Variants in RIMBP2 observed in about 807,000 individuals in gnomAD.
RIMBP2 encodes RIMS-binding protein 2.
Under a neutral mutation model 118.6 loss-of-function variants are expected in RIMBP2, and 48 were observed. The ratio of observed to expected loss-of-function variants is 0.40; its 90% CI spans 0.32 to 0.51. The LOEUF (loss-of-function observed/expected upper bound fraction) is 0.51, where lower values mean the gene tolerates loss of function less well. Among genes scored for constraint, RIMBP2 ranks in the 20% least tolerant of loss-of-function variants. The pLI is 0.41. For synonymous variants in RIMBP2, 762 were observed against 742.9 expected, an observed-to-expected ratio of 1.03 and a Z score of -0.42; for missense variants, 1,551 against 1,768.3, an observed-to-expected ratio of 0.88 and a Z score of 2.20.
At chr12:130,440,787 C>T (rs1205532078) in intron 11 of RIMBP2, among the ~76,000 whole-genome samples, 1 of 152,244 alleles carries the variant, frequency 6.6e-6, no homozygotes, top group Non-Finnish European at 1.5e-5. Context: ...CCCCCTCAGG[C>T]AGCGTCTGTC....
chr12:130,625,043 T>C (rs933100993), intron 2 of RIMBP2, among the ~76,000 whole-genome samples: 3 of 152,322 alleles, frequency 2.0e-5, no homozygotes, highest in Admixed American at 6.5e-5. Context: ...GTGTCTTAAA[T>C]TGATACATAA....
At chr12:130,654,020 C>A (rs1387753672) in intron 1 of RIMBP2, among the ~76,000 whole-genome samples, 1 of 152,154 alleles carries the variant, frequency 6.6e-6, no homozygotes, top group Non-Finnish European at 1.5e-5. Flanking sequence ...GCATTTGAGG[C>A]CTGTTTCCTG....
chr12:130,413,941 G>A (rs1245036621), intron 18 of RIMBP2, among the ~76,000 whole-genome samples, 184 bp downstream of exon 18: 1 of 152,230 alleles, frequency 6.6e-6, no homozygotes. Flanking sequence ...AGATGCTGGA[G>A]AAGGCACTTT....
At chr12:130,606,142 T>C (rs939754557) in intron 2 of RIMBP2, among the ~76,000 whole-genome samples, 1 of 151,952 alleles carries the variant, frequency 6.6e-6, no homozygotes, top group African/African-American at 2.4e-5. Context: ...TTTGAAAGTA[T>C]GAACAATAAC....
intron 4 of RIMBP2, among the ~76,000 whole-genome samples, chr12:130,494,097 C>G (rs528261040): frequency 2.0e-5 from 3 of 152,166 alleles, no homozygotes; most frequent in Non-Finnish European, 4.4e-5. Flanking sequence ...CTGAGGCTCA[C>G]GGAGATGACT....
At chr12:130,451,370 C>G in intron 7 of RIMBP2, 30 bp from the exon 8 acceptor site, 2 of 1,582,222 alleles carry the variant, frequency 1.3e-6, no homozygotes, top group Non-Finnish European at 1.7e-6. Flanking sequence ...CAAGTTGAAA[C>G]AAATATGCGA....
Position 130,462,666 on chromosome 12 carries a change from T to C in RIMBP2, c.154-5966A>G, listed in dbSNP as rs148239286. ...GTGGACGCTGACTCGAGGAATCTGG[T>C]TGCCCTAGTCCCTGTGCAGTTGACG... On this transcript the variant is annotated intron_variant, in intron 6 of 22. Coordinates refer to ENST00000690449, the MANE Select transcript of RIMBP2 (RefSeq NM_001393629.1). 8.3e-3 allele frequency among the ~76,000 whole-genome samples: 1,265 copies of C among 152,328 alleles called. 57 individuals are homozygous for C. The highest frequency in any genetic ancestry group is 0.073 in the Admixed American group (1,114 of 15,294).
At chr12:130,428,020 A>G in intron 15 of RIMBP2, 159 bp downstream of exon 15, 1 of 645,286 alleles carries the variant, frequency 1.5e-6, no homozygotes. Flanking sequence ...TAATTCCCAA[A>G]TGCAGATTCA....
chr12:130,643,969 G>T (rs923149295), intron 1 of RIMBP2, among the ~76,000 whole-genome samples: 1 of 152,178 alleles, frequency 6.6e-6, no homozygotes, highest in African/African-American at 2.4e-5. Context: ...AAGCGGAGGT[G>T]GCCATGCTGA....
At chr12:130,489,455 G>A (rs765102515) in intron 4 of RIMBP2, among the ~76,000 whole-genome samples, 2 of 151,926 alleles carry the variant, frequency 1.3e-5, no homozygotes, top group Non-Finnish European at 2.9e-5. Context: ...AGACGCCCTC[G>A]CCCTCTGCTT....
In RIMBP2 at chr12:130,710,458, ATACACACACACACG is replaced by A. The variant is rs1491457026; in HGVS notation, c.-352+5750_-352+5763del. Among the ~76,000 whole-genome samples the A allele has an allele frequency of 6.6e-6, 1 of 151,946 alleles. No homozygotes were observed. Among genetic ancestry groups the A allele is most frequent in the Non-Finnish European group, 1.5e-5 (1 of 68,008 alleles). ...CATACACGCAGGCGCACACACACAC[ATACACACACACACG>A]TACACACACACATGTGTGCTCCCCA... is the stretch of plus-strand genomic sequence containing the variant. On this transcript the variant is annotated intron_variant, in intron 1 of 22. Coordinates refer to ENST00000690449, the MANE Select transcript of RIMBP2 (RefSeq NM_001393629.1). This position sits in a 1 kb window ranked among gnomAD's most constrained non-coding sequence, Gnocchi z 4.3.
At chr12:130,674,525 C>T (rs2064352394) in intron 1 of RIMBP2, among the ~76,000 whole-genome samples, 1 of 152,160 alleles carries the variant, frequency 6.6e-6, no homozygotes, top group African/African-American at 2.4e-5. Context: ...CATAGCTGGG[C>T]AAGCCAGGGA....
chr12:130,399,921 T>C lies in RIMBP2; in HGVS notation c.3766-108A>G, dbSNP rs1332832823. The C allele has an allele frequency of 2.3e-6, 3 of 1,292,956 alleles. No homozygotes were observed. In the East Asian group the frequency reaches 7.1e-5, roughly 30 times the overall value. 80.1% of individuals were successfully genotyped at this position (1,292,956 alleles called of 1,614,324 possible). ...GAGTACAGGTACATGGTGAGTTTAT[T>C]CTGGTTCAAAAGTGGCAGGACTTGA... On this transcript the variant is annotated intron_variant, in intron 21 of 22. Transcript: ENST00000690449.
chr12:130,553,260 G>C (rs2056005839), intron 2 of RIMBP2, among the ~76,000 whole-genome samples: 1 of 151,926 alleles, frequency 6.6e-6, no homozygotes, highest in South Asian at 2.1e-4. Flanking sequence ...CCACACCAAG[G>C]AAGCACTGGA....
At position 130,479,026 on chromosome 12, in the gene RIMBP2, C is replaced by G. The variant is rs201190966; in HGVS notation, c.-3-10G>C. On this transcript the variant is annotated splice_polypyrimidine_tract_variant and intron_variant, in intron 4 of 22. Transcript: ENST00000690449. ...CCGCCTCTCGCATATGCTGTGGGGA[C>G]AGAGAGAGGCCTGGCTGAGCAGGGC... The G allele has an allele frequency of 1.4e-5, 23 of 1,609,534 alleles. No homozygotes were observed. In the East Asian group the frequency reaches 5.1e-4, roughly 36 times the overall value.
At chr12:130,399,235 GAAATA>G (rs888217947) in intron 22 of RIMBP2, 31 of 845,452 alleles carry the variant, frequency 3.7e-5, no homozygotes, top group African/African-American at 2.3e-4. Flanking sequence ...TTGCAGTGAT[GAAATA>G]AAATAAAAAT....
At chr12:130,615,374 G>A (rs1182749339) in intron 2 of RIMBP2, among the ~76,000 whole-genome samples, 1 of 150,272 alleles carries the variant, frequency 6.7e-6, no homozygotes, top group African/African-American at 2.5e-5. Context: ...GCAGTGGCAT[G>A]ATCTCGGCTC....
In RIMBP2 at chr12:130,458,030, T is replaced by C. The variant is rs557409515; in HGVS notation, c.154-1330A>G. Among the ~76,000 whole-genome samples the C allele has an allele frequency of 6.2e-3, 934 of 151,808 alleles. 17 individuals carry two copies. The highest frequency in any genetic ancestry group is 0.022 in the African/African-American group (907 of 41,390). ...CTTTGTCTGCCTGTTTCCTGCTGCG[T>C]CCCGGACCTGAGCAAAGGGCTCAGC... On this transcript the variant is annotated intron_variant, in intron 6 of 22. Transcript: ENST00000690449.
intron 7 of RIMBP2, 80 bp from the exon 8 acceptor site, chr12:130,451,420 G>C (rs1190009656): frequency 6.9e-7 from 1 of 1,446,580 alleles, no homozygotes; most frequent in African/African-American, 1.4e-5. Flanking sequence ...GCCTACCCGG[G>C]GTGCCTTTCC....
Sources: allele counts gnomAD v4.1 joint callset (sites outside exome capture counted in the v4.1 genomes callset), GRCh38; gene constraint gnomAD v4.1.1; non-coding constraint Gnocchi (gnomAD v3.1); transcripts MANE v1.5; gene names NCBI Gene and HGNC (gene_info 2026-07-23, HGNC 2026-07-21).